The following TMC1 variants were observed in gnomAD, a reference collection of about 807,000 sequenced individuals.
TMC1 encodes transmembrane channel-like protein 1.
A neutral mutation model predicts 105.8 loss-of-function variants in TMC1; 84 were observed. That is an observed-to-expected ratio of 0.79 (90% CI 0.67 to 0.95). TMC1 has a LOEUF of 0.95. TMC1 is among the 40% of genes least tolerant of loss of function. The pLI is 0.00. For missense variants in TMC1, 817 were observed against 914.1 expected, an observed-to-expected ratio of 0.89 and a Z score of 1.37; for synonymous variants, 315 against 311.5, an observed-to-expected ratio of 1.01 and a Z score of -0.12.
At chr9:72,730,346 GAGA>G (rs1354625669) in intron 8 of TMC1, among the ~76,000 whole-genome samples, 1 of 152,132 alleles carries the variant, frequency 6.6e-6, no homozygotes, top group Non-Finnish European at 1.5e-5. Flanking sequence ...AGGAGAGCAG[GAGA>G]AGGTCAGAGA....
intron 5 of TMC1, 37 bp downstream of exon 5, chr9:72,648,701 G>T (rs145927133): frequency 6.3e-7 from 1 of 1,575,808 alleles, no homozygotes; most frequent in African/African-American, 1.3e-5. Flanking sequence ...AGGACACTAT[G>T]TCTTTCTGAG....
At chr9:72,755,804 G>A (rs952166174) in intron 12 of TMC1, among the ~76,000 whole-genome samples, 11 of 152,262 alleles carry the variant, frequency 7.2e-5, no homozygotes, top group Admixed American at 2.0e-4. Flanking sequence ...TGTTTATAGT[G>A]TTAATATGTA....
intron 9 of TMC1, among the ~76,000 whole-genome samples, chr9:72,740,414 A>G (rs1827368915): frequency 6.6e-6 from 1 of 152,196 alleles, no homozygotes; most frequent in Non-Finnish European, 1.5e-5. Flanking sequence ...ATGAAAAATA[A>G]GTCAAGAAAT....
At chr9:72,811,526 A>T (rs1324527867) in intron 18 of TMC1, among the ~76,000 whole-genome samples, 1 of 152,162 alleles carries the variant, frequency 6.6e-6, no homozygotes, top group Non-Finnish European at 1.5e-5. Context: ...TGGCAGTTCA[A>T]TGCAGAATAT....
intron 18 of TMC1, among the ~76,000 whole-genome samples, chr9:72,806,775 C>G (rs1022644290): frequency 6.7e-6 from 1 of 150,026 alleles, no homozygotes; most frequent in Admixed American, 6.6e-5. Flanking sequence ...TCCTCACTTT[C>G]CAGACTGGGC....
chr9:72,576,511 G>A (rs1368583947), intron 1 of TMC1, among the ~76,000 whole-genome samples: 2 of 151,650 alleles, frequency 1.3e-5, no homozygotes, highest in South Asian at 2.1e-4. Context: ...TTGTGCCAAC[G>A]ACTGTACACA....
chr9:72,587,026 C>T (rs1031593893), intron 2 of TMC1, among the ~76,000 whole-genome samples: 8 of 152,270 alleles, frequency 5.3e-5, no homozygotes, highest in African/African-American at 9.6e-5. Flanking sequence ...GTGGTACTAC[C>T]GGCATCTAGT....
At chr9:72,739,616 A>G (rs1827356028) in intron 8 of TMC1, among the ~76,000 whole-genome samples, 2 of 152,218 alleles carry the variant, frequency 1.3e-5, no homozygotes, top group African/African-American at 4.8e-5. Flanking sequence ...TACTTTACAG[A>G]ATGATTTTTC....
At chr9:72,572,441 C>T (rs148614885) in intron 1 of TMC1, among the ~76,000 whole-genome samples, 2 of 152,132 alleles carry the variant, frequency 1.3e-5, no homozygotes, top group African/African-American at 4.8e-5. Context: ...GCAATTTGCC[C>T]GCCTTGGCCT....
rs535439784 is a variant in TMC1 at position 72,649,728 on chromosome 9, G to A, written c.16+1064G>A. 1.8e-4 allele frequency among the ~76,000 whole-genome samples: 28 copies of A among 152,248 alleles called. No homozygotes were observed. The South Asian group carries it at 3.5e-3, about 19-fold the overall frequency. On this transcript the variant is annotated intron_variant, in intron 5 of 23. Coordinates refer to ENST00000297784, the MANE Select transcript of TMC1 (RefSeq NM_138691.3). ...TCATATTAACTCTTAACAGGGTGGC[G>A]TGGTTTTTCATTAGTAAGAACAGGA...
In TMC1 at chr9:72,596,459, A is replaced by C. The variant is rs550602477; in HGVS notation, c.-306+18436A>C. On this transcript the variant is annotated intron_variant, in intron 2 of 23. Coordinates refer to ENST00000297784, the MANE Select transcript of TMC1 (RefSeq NM_138691.3). Reference sequence around the variant, plus strand: ...CCATATGCAGCCCCACCATGTGCTCAGGAAAGAGGAATGGGAAGCATTTGA... The same window carrying C: ...CCATATGCAGCCCCACCATGTGCTCCGGAAAGAGGAATGGGAAGCATTTGA... 2.6e-4 allele frequency among the ~76,000 whole-genome samples: 40 copies of C among 151,586 alleles called. 3 individuals are homozygous for C. In the South Asian group the frequency reaches 8.2e-3, roughly 31 times the overall value.
Position 72,805,495 on chromosome 9 carries a change from C to T in TMC1, c.1680C>T (p.Asp560=), listed in dbSNP as rs773672736. ...VRFCNYCWCW[D]LEYGYPSYTE... ...TTTGCAATTATTGCTGGTGCTGGGA[C>T]TTGGAGTATGGATATGTAAGTATGA... The change falls in exon 18 of 24, where the codon GAC becomes GAT. Residue 560 remains aspartate (D), a synonymous_variant. Transcript: ENST00000297784. 3 of 1,609,308 alleles carry T rather than the reference C, an allele frequency of 1.9e-6. No homozygotes were observed. The Admixed American group carries it at 5.0e-5, about 27-fold the overall frequency.
At chr9:72,752,722 G>A (rs1223991603) in intron 11 of TMC1, among the ~76,000 whole-genome samples, 1 of 152,102 alleles carries the variant, frequency 6.6e-6, no homozygotes, top group African/African-American at 2.4e-5. Context: ...GACCTTTTAG[G>A]ACCAGTATTT....
chr9:72,648,935 G>A (rs1825758541), intron 5 of TMC1, among the ~76,000 whole-genome samples: 1 of 152,178 alleles, frequency 6.6e-6, no homozygotes, highest in Admixed American at 6.5e-5. Context: ...AAAGACAATG[G>A]AGGAAAGGAA....
intron 17 of TMC1, among the ~76,000 whole-genome samples, chr9:72,793,782 C>T (rs1828317086): frequency 6.6e-6 from 1 of 152,142 alleles, no homozygotes; most frequent in Non-Finnish European, 1.5e-5. Flanking sequence ...GAAAAAGTGA[C>T]CAGACTTTTA....
intron 8 of TMC1, among the ~76,000 whole-genome samples, chr9:72,738,092 G>A (rs1827329761): frequency 6.7e-6 from 1 of 149,502 alleles, no homozygotes; most frequent in African/African-American, 2.5e-5. Context: ...TTTCTAGAAG[G>A]TTTACATTTA....
intron 3 of TMC1, among the ~76,000 whole-genome samples, chr9:72,622,956 G>A (rs1348815066): frequency 6.6e-6 from 1 of 151,566 alleles, no homozygotes; most frequent in African/African-American, 2.4e-5. Context: ...GGAGGCTGAG[G>A]CAGGAGAATC....
intron 8 of TMC1, among the ~76,000 whole-genome samples, chr9:72,739,168 C>T (rs376702449): frequency 1.3e-5 from 2 of 152,316 alleles, no homozygotes; most frequent in South Asian, 4.1e-4. Flanking sequence ...CAAGGGCCTT[C>T]TCCCAGGTTG....
At position 72,600,532 on chromosome 9, in the gene TMC1, G is replaced by A. The variant is rs558785930; in HGVS notation, c.-305-15836G>A. ...ACACAGTTTCATAATAGATCTCTTG[G>A]AATATGGTCGTTTGGTGTTAAGCAT... On this transcript the variant is annotated intron_variant, in intron 2 of 23. Transcript: ENST00000297784. Among the ~76,000 whole-genome samples the A allele has an allele frequency of 2.6e-5, 4 of 152,120 alleles. No individual in the cohort carries two copies. In the East Asian group the frequency reaches 7.7e-4, roughly 29 times the overall value.
Sources: allele counts gnomAD v4.1 joint callset (sites outside exome capture counted in the v4.1 genomes callset), GRCh38; gene constraint gnomAD v4.1.1; transcripts MANE v1.5; gene names NCBI Gene and HGNC (gene_info 2026-07-23, HGNC 2026-07-21).